ATP2C1: variants seen among roughly 807,000 people sequenced by gnomAD.
ATP2C1 encodes calcium-transporting ATPase type 2C member 1.
A neutral mutation model predicts 120.5 loss-of-function variants in ATP2C1; 31 were observed. That is an observed-to-expected ratio of 0.26 (90% CI 0.19 to 0.35). The LOEUF (loss-of-function observed/expected upper bound fraction) is 0.35, where lower values mean the gene tolerates loss of function less well. Among genes scored for constraint, ATP2C1 ranks in the 10% least tolerant of loss-of-function variants. The pLI is 1.00. For synonymous variants in ATP2C1, 351 were observed against 358.7 expected, an observed-to-expected ratio of 0.98 and a Z score of 0.24; for missense variants, 731 against 1,107.5, an observed-to-expected ratio of 0.66 and a Z score of 4.83.
intron 5 of ATP2C1, among the ~76,000 whole-genome samples, chr3:130,936,213 TA>T (rs372988938): frequency 1.1e-4 from 16 of 150,456 alleles, no homozygotes; most frequent in African/African-American, 3.4e-4. Flanking sequence ...GTGTTTTTTT[TA>T]AAAAAAAAAT....
At chr3:131,003,769 A>G (rs2062997924), downstream of ATP2C1, among the ~76,000 whole-genome samples, 1 of 152,204 alleles carries the variant, frequency 6.6e-6, no homozygotes, top group Admixed American at 6.5e-5. Context: ...TTACATTGGT[A>G]GTCTTTTTGA....
intron 8 of ATP2C1, among the ~76,000 whole-genome samples, chr3:130,941,992 A>G (rs919040605): frequency 2.6e-5 from 4 of 152,236 alleles, no homozygotes; most frequent in Admixed American, 2.6e-4. Flanking sequence ...GGAACATACT[A>G]TGTGTACACA....
intron 26 of ATP2C1, chr3:131,014,381 G>A (rs1249537624): frequency 3.8e-6 from 6 of 1,583,760 alleles, no homozygotes; most frequent in African/African-American, 1.4e-5. Flanking sequence ...GGCTTCCACT[G>A]TACAGTCTGT....
At chr3:130,862,966 A>C (rs2068063305) in intron 1 of ATP2C1, among the ~76,000 whole-genome samples, 1 of 152,218 alleles carries the variant, frequency 6.6e-6, no homozygotes, top group Non-Finnish European at 1.5e-5. Flanking sequence ...TTAACGAAAC[A>C]TAAGATTATG....
chr3:130,927,560 G>A (rs2059271046), intron 2 of ATP2C1, among the ~76,000 whole-genome samples: 1 of 152,076 alleles, frequency 6.6e-6, no homozygotes, highest in African/African-American at 2.4e-5. Context: ...TTTTAAAATA[G>A]AGAAAACAGT....
At chr3:130,959,382 T>C in intron 12 of ATP2C1, 41 bp downstream of exon 12, 2 of 1,388,336 alleles carry the variant, frequency 1.4e-6, no homozygotes, top group Non-Finnish European at 2.0e-6. Flanking sequence ...CTTTTGCCTC[T>C]TTTATTTCTC....
At chr3:130,980,177 T>A (rs914587125) in intron 19 of ATP2C1, among the ~76,000 whole-genome samples, 2 of 152,312 alleles carry the variant, frequency 1.3e-5, no homozygotes, top group South Asian at 4.1e-4. Flanking sequence ...TTCGTTACAT[T>A]TCAGCTGCTG....
intron 2 of ATP2C1, among the ~76,000 whole-genome samples, chr3:130,901,477 CAG>C (rs1193560115): frequency 2.6e-5 from 4 of 151,888 alleles, no homozygotes; most frequent in Admixed American, 6.6e-5. Context: ...GGATGGATGA[CAG>C]AGATATTTTA....
At chr3:130,981,454 T>G (rs2061760556) in intron 20 of ATP2C1, among the ~76,000 whole-genome samples, 1 of 152,226 alleles carries the variant, frequency 6.6e-6, no homozygotes, top group Admixed American at 6.5e-5. Context: ...ACATTTAGAT[T>G]GTTTCCACTT....
chr3:130,904,094 A>T (rs2058012222), intron 2 of ATP2C1, among the ~76,000 whole-genome samples: 1 of 152,082 alleles, frequency 6.6e-6, no homozygotes, highest in Non-Finnish European at 1.5e-5. Context: ...TTCTAAAATT[A>T]TGTTGATTTT....
Position 131,002,123 on chromosome 3 carries a change from A to G in ATP2C1, c.*773A>G, listed in dbSNP as rs909174465. The G allele has an allele frequency of 2.0e-6, 2 of 985,180 alleles. No homozygotes were observed. The highest frequency in any genetic ancestry group is 6.1e-5 in the Admixed American group (1 of 16,286). The allele number at this position is 985,180 out of a possible 1,614,324, so 61.0% of individuals were successfully genotyped here. ...TAATTAACGCTTAGTCATAGAGTCA[A>G]AAACATTTAAGACTGATTGGGTTGA... On this transcript the variant is annotated 3_prime_UTR_variant, in exon 28 of 28. Coordinates refer to ENST00000510168, the MANE Select transcript of ATP2C1 (RefSeq NM_001378687.1).
chr3:130,861,981 A>C (rs941536211), intron 1 of ATP2C1, among the ~76,000 whole-genome samples: 3 of 152,098 alleles, frequency 2.0e-5, no homozygotes, highest in Middle Eastern at 6.8e-3. Flanking sequence ...TTAATTAAAA[A>C]AATTTTTTTT....
chr3:130,944,154 T>G (rs2060037493), intron 8 of ATP2C1, among the ~76,000 whole-genome samples: 1 of 152,242 alleles, frequency 6.6e-6, no homozygotes, highest in South Asian at 2.1e-4. Context: ...TCTTACAGAC[T>G]AGGCCTAAAG....
At chr3:130,930,207 T>A (rs1226425104) in intron 2 of ATP2C1, 2 of 566,256 alleles carry the variant, frequency 3.5e-6, no homozygotes, top group East Asian at 6.8e-5. Context: ...TGGGCACCGA[T>A]GGCTTAGTTT....
chr3:130,857,282 A>G (rs769200672), intron 1 of ATP2C1, among the ~76,000 whole-genome samples: 9 of 152,192 alleles, frequency 5.9e-5, no homozygotes, highest in Non-Finnish European at 1.0e-4. Context: ...ATAAAGATAA[A>G]TGGCTTTCTA....
At chr3:130,964,589 A>G (rs948336127) in intron 13 of ATP2C1, among the ~76,000 whole-genome samples, 27 of 152,002 alleles carry the variant, frequency 1.8e-4, no homozygotes, top group African/African-American at 6.5e-4. Flanking sequence ...GAGAAGCTGA[A>G]ATACCTTGAA....
intron 7 of ATP2C1, 31 bp from the exon 8 acceptor site, chr3:130,941,560 T>TA (rs2059920785): frequency 1.3e-6 from 2 of 1,565,750 alleles, no homozygotes; most frequent in Non-Finnish European, 1.8e-6. Flanking sequence ...TTTTTTTTTT[T>TA]AACCATGGTT....
chr3:130,966,381 T>C (rs546143375), intron 14 of ATP2C1, among the ~76,000 whole-genome samples: 2 of 152,272 alleles, frequency 1.3e-5, no homozygotes, highest in African/African-American at 4.8e-5. Context: ...CATTAACTAT[T>C]TGTTAATTGT....
intron 26 of ATP2C1, among the ~76,000 whole-genome samples, chr3:131,010,415 C>T (rs572369425): frequency 1.3e-5 from 2 of 151,990 alleles, no homozygotes; most frequent in South Asian, 2.1e-4. Context: ...AGGATGGTCT[C>T]GATCTCCTGA....
Sources: gnomAD v4.1 joint callset for allele counts (sites outside exome capture counted in the v4.1 genomes callset) on GRCh38, gnomAD v4.1.1 for gene constraint, MANE v1.5 for transcripts, NCBI Gene and HGNC (gene_info 2026-07-23, HGNC 2026-07-21) for gene names.